Variants in EIF4G3 observed in about 807,000 individuals in gnomAD.
EIF4G3 encodes eIF-4-gamma 3.
Under a neutral mutation model 186.4 loss-of-function variants are expected in EIF4G3, and 34 were observed. That is an observed-to-expected ratio of 0.18 (90% confidence interval 0.14 to 0.24). The LOEUF is 0.24. Among genes scored for constraint, EIF4G3 ranks in the 10% least tolerant of loss-of-function variants. The pLI, the probability that EIF4G3 is intolerant of heterozygous loss-of-function variation, is 1.00. For missense variants in EIF4G3, 1,536 were observed against 1,948.5 expected (o/e 0.79, Z 3.99); for synonymous variants, 673 against 679.5 (o/e 0.99, Z 0.15).
chr1:21,159,463 G>A (rs377260112), intron 2 of EIF4G3, among the ~76,000 whole-genome samples: 9 of 151,826 alleles, frequency 5.9e-5, no homozygotes, highest in Admixed American at 1.3e-4. Flanking sequence ...AAAGGCTGGC[G>A]CGGTGGCTCA....
At chr1:21,101,839 G>A (rs1254575837) in intron 2 of EIF4G3, among the ~76,000 whole-genome samples, 1 of 151,916 alleles carries the variant, frequency 6.6e-6, no homozygotes, top group African/African-American at 2.4e-5. Context: ...CTGCAACACA[G>A]GCAGGGAACT....
intron 2 of EIF4G3, among the ~76,000 whole-genome samples, chr1:21,134,109 T>C (rs2097199343): frequency 6.6e-6 from 1 of 152,186 alleles, no homozygotes; most frequent in South Asian, 2.1e-4. Context: ...TTCCTGCCCT[T>C]TATAAGATTA....
intron 33 of EIF4G3, among the ~76,000 whole-genome samples, chr1:20,819,911 A>G (rs986441798): frequency 6.6e-6 from 1 of 152,110 alleles, no homozygotes; most frequent in East Asian, 1.9e-4. Context: ...AGGGGAGAGG[A>G]GAGGAGACAG....
At chr1:21,033,468 A>C (rs2092913098) in intron 4 of EIF4G3, among the ~76,000 whole-genome samples, 1 of 152,124 alleles carries the variant, frequency 6.6e-6, no homozygotes. Flanking sequence ...AAAAAAAAAA[A>C]GTTAAATACG....
rs542761943 is a variant in EIF4G3, at chr1:20,977,218, GCT to G, written c.493+3114_493+3115del. 2.1e-4 allele frequency among the ~76,000 whole-genome samples: 32 copies of G among 150,648 alleles called. 1 individual carries two copies. In the South Asian group the frequency reaches 6.3e-3, roughly 30 times the overall value. ...TTTTTTTTTTTTTAGATGGAGTCTC[GCT>G]CTGTCACCCAGGTTGGAGTGCAGGG... is the stretch of plus-strand genomic sequence containing the variant. On this transcript the variant is annotated intron_variant, in intron 10 of 36. Coordinates refer to ENST00000602326, the MANE Select transcript of EIF4G3 (RefSeq NM_001391906.1).
At chr1:21,093,611 A>G (rs888538091) in intron 2 of EIF4G3, among the ~76,000 whole-genome samples, 26 of 152,224 alleles carry the variant, frequency 1.7e-4, no homozygotes, top group Non-Finnish European at 1.9e-4. Flanking sequence ...GTATATACCC[A>G]AAGGATTATA....
chr1:21,147,055 G>C, intron 2 of EIF4G3, among the ~76,000 whole-genome samples: 1 of 151,946 alleles, frequency 6.6e-6, no homozygotes, highest in East Asian at 2.0e-4. Flanking sequence ...GAGGTCAGGA[G>C]TTCAAGACCA....
chr1:20,825,251 G>GA (rs71585786), intron 32 of EIF4G3, 53 bp from the exon 33 acceptor site: 25,921 of 229,934 alleles, frequency 0.11, 196 homozygotes, highest in African/African-American at 0.2. Context: ...AGAAGAAACA[G>GA]AAAAAAAAAA....
At chr1:21,137,220 T>C (rs2097262026) in intron 2 of EIF4G3, among the ~76,000 whole-genome samples, 1 of 151,628 alleles carries the variant, frequency 6.6e-6, no homozygotes, top group Non-Finnish European at 1.5e-5. Flanking sequence ...CATAGTTCAC[T>C]GCAACTTTGA....
chr1:21,109,181 G>A (rs995710301), intron 2 of EIF4G3, among the ~76,000 whole-genome samples: 12 of 152,296 alleles, frequency 7.9e-5, no homozygotes, highest in Admixed American at 4.6e-4. Flanking sequence ...TCACAGCACC[G>A]CACTCCAGCC....
intron 2 of EIF4G3, among the ~76,000 whole-genome samples, chr1:21,171,206 G>A (rs1477939796): frequency 6.6e-6 from 1 of 152,142 alleles, no homozygotes; most frequent in Non-Finnish European, 1.5e-5. Context: ...ATTGCTTAAA[G>A]TCATATGCGT....
chr1:21,089,356 C>T (rs1442408757), intron 2 of EIF4G3, 143 bp from the exon 3 acceptor site: 1 of 595,284 alleles, frequency 1.7e-6, no homozygotes, highest in Admixed American at 3.1e-5. Context: ...AACTAAAAAC[C>T]AAATGTTTCA....
chr1:21,068,994 T>C (rs144209581), intron 3 of EIF4G3, among the ~76,000 whole-genome samples: 1,546 of 152,316 alleles, frequency 0.01, 24 homozygotes, highest in African/African-American at 0.035. Flanking sequence ...AGATTTTGAA[T>C]GTTTTGATTA....
chr1:20,935,337 T>C (rs1404086517), intron 14 of EIF4G3, among the ~76,000 whole-genome samples: 3 of 152,150 alleles, frequency 2.0e-5, no homozygotes, highest in African/African-American at 7.2e-5. Flanking sequence ...GGGAAAGCCT[T>C]TGGAAACAGA....
At chr1:21,104,117 C>T (rs1003647600) in intron 2 of EIF4G3, among the ~76,000 whole-genome samples, 14 of 152,138 alleles carry the variant, frequency 9.2e-5, no homozygotes, top group African/African-American at 2.4e-5. Context: ...TGAACAATGC[C>T]GGCTACATGA....
intron 2 of EIF4G3, among the ~76,000 whole-genome samples, chr1:21,160,258 G>A (rs112122660): frequency 7.4e-4 from 112 of 152,142 alleles, no homozygotes; most frequent in African/African-American, 2.6e-3. Flanking sequence ...ATATACCCAT[G>A]AGTCCATAGT....
At chr1:21,047,043 C>T (rs534374495) in intron 4 of EIF4G3, among the ~76,000 whole-genome samples, 1 of 152,238 alleles carries the variant, frequency 6.6e-6, no homozygotes, top group South Asian at 2.1e-4. Context: ...TTCTAATTTC[C>T]CCCTATATGA....
intron 7 of EIF4G3, among the ~76,000 whole-genome samples, chr1:20,985,719 G>C (rs956124189): frequency 5.9e-5 from 9 of 152,132 alleles, no homozygotes; most frequent in African/African-American, 1.9e-4. Context: ...CTTCTCAACT[G>C]AGTGATGAAC....
chr1:21,129,252 T>C (rs1572985952), intron 2 of EIF4G3, among the ~76,000 whole-genome samples: 1 of 150,734 alleles, frequency 6.6e-6, no homozygotes, highest in Admixed American at 6.6e-5. Flanking sequence ...GAGGCAGAGG[T>C]TGCGGTAAGC....
Sources: gnomAD v4.1 joint callset for allele counts (sites outside exome capture counted in the v4.1 genomes callset) on GRCh38, gnomAD v4.1.1 for gene constraint, MANE v1.5 for transcripts, NCBI Gene and HGNC (gene_info 2026-07-23, HGNC 2026-07-21) for gene names.